PRKAR1A: variants seen among roughly 807,000 people sequenced by gnomAD.
PRKAR1A encodes cAMP-dependent protein kinase type I-alpha regulatory subunit.
Under a neutral mutation model 52.0 loss-of-function variants are expected in PRKAR1A, and 3 were observed. The observed-to-expected ratio is 0.06, with a 90% CI of 0.03 to 0.15. The LOEUF (loss-of-function observed/expected upper bound fraction) is 0.15, where lower values mean the gene tolerates loss of function less well. Ranked by LOEUF, PRKAR1A falls within the 10% of genes least tolerant of loss-of-function variation. PRKAR1A has a pLI of 1.00. For synonymous variants in PRKAR1A, 188 were observed against 168.4 expected (o/e 1.12, Z -0.90); for missense variants, 240 against 477.4 (o/e 0.50, Z 4.63).
chr17:68,511,978 G>A (rs1442947124), upstream of PRKAR1A: 1 of 152,600 alleles, frequency 6.6e-6, no homozygotes, highest in African/African-American at 2.4e-5. Flanking sequence ...CAGGGAGGGG[G>A]TGGAAAGGAG....
chr17:68,442,616 G>A, the PRKAR1A span, among the ~76,000 whole-genome samples: 1 of 152,178 alleles, frequency 6.6e-6, no homozygotes. Context: ...GAAACTGAGA[G>A]CCACAGGCAG....
chr17:68,425,324 G>T, the PRKAR1A span, among the ~76,000 whole-genome samples: 2 of 151,794 alleles, frequency 1.3e-5, no homozygotes, highest in African/African-American at 4.8e-5. Context: ...CCATCTCAGC[G>T]TCCCGAATAG....
At chr17:68,421,882 T>G in the PRKAR1A span, 1 of 1,606,170 alleles carries the variant, frequency 6.2e-7, no homozygotes, top group Non-Finnish European at 8.5e-7. Context: ...GGCAGGTGCA[T>G]TATCAACAGG....
chr17:68,541,068 TG>T, intron 11 of PRKAR1A: 1 of 1,496,576 alleles, frequency 6.7e-7, no homozygotes, highest in Non-Finnish European at 9.0e-7. Context: ...GATCCTGCCC[TG>T]GGCTGGTGGC....
the PRKAR1A span, among the ~76,000 whole-genome samples, chr17:68,486,502 CTTCCTTCTTTCTTTCTTTCTTTCT>C: frequency 5.9e-3 from 257 of 43,280 alleles, 4 homozygotes; most frequent in Middle Eastern, 0.014. Context: ...TCCTTCCTTC[CTTCCTTCTTTCTTTCTTTCTTTCT>C]TTCTTTCTTT....
chr17:68,534,846 C>T (rs1404661149), downstream of PRKAR1A, among the ~76,000 whole-genome samples: 1 of 152,124 alleles, frequency 6.6e-6, no homozygotes, highest in Admixed American at 6.6e-5. Flanking sequence ...ATTGATCGGT[C>T]AATAAAAATG....
chr17:68,546,602 G>C (rs976895867), intron 11 of PRKAR1A, among the ~76,000 whole-genome samples: 1 of 151,146 alleles, frequency 6.6e-6, no homozygotes, highest in Admixed American at 6.6e-5. Context: ...AGGCCGAGGC[G>C]GGCGGATCAC....
At chr17:68,430,248 C>T in the PRKAR1A span, 2 of 1,338,706 alleles carry the variant, frequency 1.5e-6, no homozygotes, top group South Asian at 2.7e-5. Flanking sequence ...TCATTAGCCA[C>T]ACTCCCCGCA....
At chr17:68,436,165 T>G in the PRKAR1A span, among the ~76,000 whole-genome samples, 1 of 152,368 alleles carries the variant, frequency 6.6e-6, no homozygotes, top group East Asian at 1.9e-4. Flanking sequence ...TTCATTATGC[T>G]GCAGATGTCT....
the PRKAR1A span, among the ~76,000 whole-genome samples, chr17:68,461,525 G>T: frequency 2.6e-5 from 4 of 152,290 alleles, no homozygotes; most frequent in East Asian, 5.8e-4. The surrounding 1 kb of genome is among the most constrained non-coding windows in gnomAD (Gnocchi z 4.6). Context: ...TACAATTAAA[G>T]TAACTACTAG....
At chr17:68,515,698 C>G in intron 2 of PRKAR1A, 122 bp downstream of exon 2, 1 of 1,211,942 alleles carries the variant, frequency 8.3e-7, no homozygotes, top group Non-Finnish European at 1.2e-6. Flanking sequence ...AAGTCTAAAA[C>G]AATTTCAAAT....
chr17:68,434,296 C>A, the PRKAR1A span, among the ~76,000 whole-genome samples: 23 of 152,334 alleles, frequency 1.5e-4, no homozygotes, highest in African/African-American at 5.5e-4. Context: ...CTGGCTCTCT[C>A]ATTTCTCCTG....
At chr17:68,479,335 C>G in the PRKAR1A span, among the ~76,000 whole-genome samples, 1 of 152,072 alleles carries the variant, frequency 6.6e-6, no homozygotes, top group Non-Finnish European at 1.5e-5. Flanking sequence ...ATCTCTTTTT[C>G]CTCTTGTTGC....
intron 2 of PRKAR1A, among the ~76,000 whole-genome samples, chr17:68,520,108 A>G (rs1246909763): frequency 6.6e-6 from 1 of 152,204 alleles, no homozygotes; most frequent in East Asian, 1.9e-4. Context: ...GAGCAGCCCT[A>G]TATAGGGCAT....
the PRKAR1A span, among the ~76,000 whole-genome samples, chr17:68,432,572 G>T: frequency 3.3e-5 from 5 of 152,136 alleles, no homozygotes; most frequent in Non-Finnish European, 7.4e-5. Flanking sequence ...CCCGGCCTCT[G>T]TCATGTATGT....
intron 2 of PRKAR1A, among the ~76,000 whole-genome samples, chr17:68,520,830 TG>T (rs2085581824): frequency 6.6e-6 from 1 of 152,206 alleles, no homozygotes; most frequent in Admixed American, 6.5e-5. Flanking sequence ...CCAAGTGAAA[TG>T]TTATTTGTGA....
intron 9 of PRKAR1A, among the ~76,000 whole-genome samples, chr17:68,529,639 T>C (rs991042617): frequency 2.0e-5 from 3 of 152,202 alleles, no homozygotes; most frequent in Non-Finnish European, 4.4e-5. Flanking sequence ...TTCAGTAAAG[T>C]TTGATTTGCG....
At chr17:68,538,202 A>C (rs2086151907), downstream of PRKAR1A, among the ~76,000 whole-genome samples, 1 of 152,242 alleles carries the variant, frequency 6.6e-6, no homozygotes, top group Non-Finnish European at 1.5e-5. Context: ...TTAAAATCAC[A>C]GAGATGAAAA....
upstream of PRKAR1A, among the ~76,000 whole-genome samples, chr17:68,510,186 A>G (rs1322375714): frequency 2.0e-5 from 3 of 151,656 alleles, no homozygotes; most frequent in African/African-American, 7.3e-5. Context: ...AGAGAGAGAG[A>G]GAGAGAGAGA....
Sources: gnomAD v4.1 joint callset for allele counts (sites outside exome capture counted in the v4.1 genomes callset) on GRCh38, gnomAD v4.1.1 for gene constraint, Gnocchi (gnomAD v3.1) non-coding constraint, MANE v1.5 for transcripts, NCBI Gene and HGNC (gene_info 2026-07-23, HGNC 2026-07-21) for gene names.